Variants in TASOR2 observed in about 807,000 individuals in gnomAD.
TASOR2 encodes the protein transcription activation suppressor family member 2.
Under a neutral mutation model 199.5 loss-of-function variants are expected in TASOR2, and 84 were observed. The observed-to-expected ratio is 0.42, with a 90% CI of 0.35 to 0.50. The LOEUF is 0.50. Ranked by LOEUF, TASOR2 falls within the 20% of genes least tolerant of loss-of-function variation. TASOR2 has a pLI of 0.02. For synonymous variants in TASOR2, 1,103 were observed against 1,046.6 expected, an observed-to-expected ratio of 1.05 and a Z score of -1.04; for missense variants, 2,796 against 2,835.9, an observed-to-expected ratio of 0.99 and a Z score of 0.32.
Position 5,701,145 on chromosome 10 carries a change from A to G in TASOR2, c.-287-11678A>G, listed in dbSNP as rs1837789222. On this transcript the variant is annotated intron_variant, in intron 1 of 20. Transcript: ENST00000328090. The surrounding 1 kb of genome is among the most constrained non-coding windows in gnomAD (Gnocchi z 4.9). Reference sequence around the variant, plus strand: ...TTAGATGCTTAGATGTAAGTCTTAAATCCATTTTGATTTGAATTTTGTATA... The same window carrying G: ...TTAGATGCTTAGATGTAAGTCTTAAGTCCATTTTGATTTGAATTTTGTATA... Among the ~76,000 whole-genome samples the G allele has an allele frequency of 6.6e-6, 1 of 152,090 alleles. No homozygotes were observed.
chr10:5,718,901 C>T (rs1392113421), intron 3 of TASOR2, among the ~76,000 whole-genome samples: 1 of 152,022 alleles, frequency 6.6e-6, no homozygotes, highest in Non-Finnish European at 1.5e-5. Flanking sequence ...ATAAGCATTT[C>T]GTTTTTTACT....
At chr10:5,696,160 C>T (rs927577995) in intron 1 of TASOR2, among the ~76,000 whole-genome samples, 13 of 152,120 alleles carry the variant, frequency 8.5e-5, no homozygotes, top group African/African-American at 3.1e-4. Flanking sequence ...GATTGGCTTC[C>T]AAACTATCAG....
rs190874175 is a variant in TASOR2, at chr10:5,754,605, G to T, written c.6607-2008G>T. 1.3e-3 allele frequency among the ~76,000 whole-genome samples: 202 copies of T among 152,064 alleles called. No individual in the cohort carries two copies. Among genetic ancestry groups the T allele is most frequent in the Admixed American group, 3.6e-3 (55 of 15,286 alleles). ...GGGTTTCACCATGTTGGCCAGGCTG[G>T]TCTCGAACTCCATAGCAGGAGTTCT... On this transcript the variant is annotated intron_variant, in intron 15 of 20. Transcript: ENST00000328090. This position sits in a 1 kb window ranked among gnomAD's most constrained non-coding sequence, Gnocchi z 4.3.
exon 15 of TASOR2, chr10:5,746,793 T>C (rs1167631951): frequency 1.2e-6 from 2 of 1,614,176 alleles, no homozygotes. Context: ...CTAAGTACCT[T>C]TGTGCCTCGT....
At chr10:5,697,061 G>C (rs1267767308) in intron 1 of TASOR2, among the ~76,000 whole-genome samples, 1 of 152,178 alleles carries the variant, frequency 6.6e-6, no homozygotes, top group East Asian at 1.9e-4. Flanking sequence ...AACTATCTGT[G>C]TCCCAGAACT....
At chr10:5,731,188 C>G (rs897489083) in exon 11 of TASOR2, 11 of 1,599,014 alleles carry the variant, frequency 6.9e-6, no homozygotes, top group Non-Finnish European at 9.3e-6. Context: ...ACAGTTTCCT[C>G]AGAAAAGAAA....
intron 13 of TASOR2, among the ~76,000 whole-genome samples, chr10:5,741,067 G>A (rs569216259): frequency 3.4e-4 from 52 of 152,194 alleles, no homozygotes; most frequent in Non-Finnish European, 7.2e-4. Context: ...TCCTGGGCAA[G>A]TTTCTTGCTT....
At chr10:5,735,798 T>C (rs1835491587) in intron 12 of TASOR2, among the ~76,000 whole-genome samples, 1 of 152,220 alleles carries the variant, frequency 6.6e-6, no homozygotes, top group African/African-American at 2.4e-5. Context: ...ACATGAATTG[T>C]CTACAAGCAT....
chr10:5,728,125 G>A (rs1223210182), intron 10 of TASOR2, among the ~76,000 whole-genome samples: 1 of 151,622 alleles, frequency 6.6e-6, no homozygotes, highest in African/African-American at 2.4e-5. Context: ...GGAGGCTCAG[G>A]TGGGAGGATC....
At position 5,740,149 on chromosome 10, in the gene TASOR2, T is replaced by G. The variant is rs1377011267; in HGVS notation, c.1979T>G (p.Leu660Arg). 1 of 1,614,228 alleles carries G rather than the reference T, an allele frequency of 6.2e-7. No individual in the cohort carries two copies. The highest frequency in any genetic ancestry group is 8.5e-7 in the Non-Finnish European group (1 of 1,180,044). The stretch of plus-strand genomic sequence containing the variant: ...GTGGAACATTCATATGCCCTGCTCC[T>G]TACAGAACATTCAAAGAAACATCTA... Residue 660 changes from leucine to arginine, a missense_variant, in exon 13 of 21, where the codon CTT becomes CGT. Physicochemically the swap from Leu to Arg is moderately radical, Grantham distance 102. Around this residue, in one of 3 missense-constraint regions of TASOR2, gnomAD observed 847 missense variants for 887.4 expected, o/e 0.95. Transcript: ENST00000328090. The surrounding 1 kb of genome is among the most constrained non-coding windows in gnomAD (Gnocchi z 5.3).
intron 11 of TASOR2, among the ~76,000 whole-genome samples, chr10:5,732,702 G>A (rs1203772392): frequency 6.6e-6 from 1 of 150,744 alleles, no homozygotes; most frequent in Non-Finnish European, 1.5e-5. Context: ...GAACTACAGG[G>A]GTGCCCCACT....
Position 5,737,323 on chromosome 10 carries a change from TC to T in TASOR2, c.1447+1778del, listed in dbSNP as rs1214707369. On this transcript the variant is annotated intron_variant, in intron 12 of 20. Coordinates refer to ENST00000328090, the Ensembl canonical transcript of TASOR2. This position sits in a 1 kb window ranked among gnomAD's most constrained non-coding sequence, Gnocchi z 4.9. ...TTTCAACTTAAGCATACCCTGAGATTCTTTAAGTTTTTTCAGATTGTTTTAT... is the reference window on the plus strand; with the variant it reads ...TTTCAACTTAAGCATACCCTGAGATTTTTAAGTTTTTTCAGATTGTTTTAT... 3.3e-5 allele frequency among the ~76,000 whole-genome samples: 5 copies of T among 152,062 alleles called. No homozygotes were observed. The highest frequency in any genetic ancestry group is 7.4e-5 in the Non-Finnish European group (5 of 68,018).
intron 3 of TASOR2, among the ~76,000 whole-genome samples, chr10:5,718,761 CAAAA>C (rs35051277): frequency 3.0e-5 from 4 of 134,642 alleles, no homozygotes; most frequent in Non-Finnish European, 3.2e-5. Context: ...AACTCTGTCT[CAAAA>C]AAAAAAAAAA....
Position 5,742,322 on chromosome 10 carries a change from T to C in TASOR2, c.2553T>C (p.Ser851=). 1 of 1,614,176 alleles carries C rather than the reference T, an allele frequency of 6.2e-7. No homozygotes were observed. Residue 851 remains serine (S), a synonymous_variant, in exon 14 of 21, where the codon TCT becomes TCC. Coordinates refer to ENST00000328090, the Ensembl canonical transcript of TASOR2. The surrounding 1 kb of genome is among the most constrained non-coding windows in gnomAD (Gnocchi z 4.2). ...GTTTGGAAAAATGTTCTGCAGACTC[T>C]CTGTTGGAGACTAACGAAATTTCCA...
rs771096086 is a variant in TASOR2 at position 5,761,144 on chromosome 10, T to C, written c.6993-146T>C. The C allele has an allele frequency of 1.1e-5, 7 of 643,898 alleles. 1 individual carries two copies. The East Asian group carries it at 1.6e-4, about 15-fold the overall frequency. The allele number at this position is 643,898 out of a possible 1,614,324, so 39.9% of individuals were successfully genotyped here. A position where few individuals can be genotyped will look rare whatever the true frequency, so the allele number is the denominator to read the frequency against. On this transcript the variant is annotated intron_variant, in intron 18 of 20. Transcript: ENST00000328090. ...AAGGAGTAGGTACAATTGTGATGTT[T>C]TGAGGTAACCAAAGTGTGTCATGAA...
In TASOR2 at chr10:5,752,418, G is replaced by T. The variant is rs1005598708; in HGVS notation, c.6606+2391G>T. On this transcript the variant is annotated intron_variant, in intron 15 of 20. Coordinates refer to ENST00000328090, the Ensembl canonical transcript of TASOR2. The surrounding 1 kb of genome is among the most constrained non-coding windows in gnomAD (Gnocchi z 4.4). ...GGCCGCGTGCAAAACTGGACGTGCC[G>T]TGTGTCGGTTCCACACATGAGGGGC... Among the ~76,000 whole-genome samples, 1 of 152,018 alleles carries T rather than the reference G, an allele frequency of 6.6e-6. No homozygotes were observed. Among genetic ancestry groups the T allele is most frequent in the South Asian group, 2.1e-4 (1 of 4,824 alleles).
Position 5,722,204 on chromosome 10 carries a change from T to C in TASOR2, c.146+1234T>C, listed in dbSNP as rs1418062290. 6.6e-6 allele frequency among the ~76,000 whole-genome samples: 1 copy of C among 152,052 alleles called. No homozygotes were observed. The highest frequency in any genetic ancestry group is 1.5e-5 in the Non-Finnish European group (1 of 68,006). On this transcript the variant is annotated intron_variant, in intron 6 of 20. Coordinates refer to ENST00000328090, the Ensembl canonical transcript of TASOR2. The surrounding 1 kb of genome is among the most constrained non-coding windows in gnomAD (Gnocchi z 4.0). ...GCACAGTGGCTCCTGTCTGTAATGC[T>C]AGCACTTTGGGAGGCCAAGGCAGGA... is the stretch of plus-strand genomic sequence containing the variant.
chr10:5,740,592 G>A lies in TASOR2; in HGVS notation c.2327+95G>A. On this transcript the variant is annotated intron_variant, in intron 13 of 20. Transcript: ENST00000328090. The surrounding 1 kb of genome is among the most constrained non-coding windows in gnomAD (Gnocchi z 5.3). ...AAACTTATGCCAAACTCTGGAGAAG[G>A]AGAAAGAAGTGTTGTGTTTAAAACC... 7.7e-7 allele frequency: 1 copy of A among 1,306,432 alleles called. No individual in the cohort carries two copies. The highest frequency in any genetic ancestry group is 1.1e-6 in the Non-Finnish European group (1 of 952,146). 80.9% of individuals were successfully genotyped at this position (1,306,432 alleles called of 1,614,324 possible). A position where few individuals can be genotyped will look rare whatever the true frequency, so the allele number is the denominator to read the frequency against.
At chr10:5,729,665 C>G (rs990570424) in intron 10 of TASOR2, among the ~76,000 whole-genome samples, 1 of 152,144 alleles carries the variant, frequency 6.6e-6, no homozygotes, top group African/African-American at 2.4e-5. Context: ...CTTTGTGTTT[C>G]ATTCTGAAGT....
Sources: allele counts gnomAD v4.1 joint callset (sites outside exome capture counted in the v4.1 genomes callset), GRCh38; gene constraint gnomAD v4.1.1; regional missense constraint gnomAD v4.1.1; non-coding constraint Gnocchi (gnomAD v3.1); transcripts MANE v1.5; gene names NCBI Gene and HGNC (gene_info 2026-07-23, HGNC 2026-07-21).